The following ITPR1 variants were observed in gnomAD, a reference collection of about 807,000 sequenced individuals.
ITPR1 encodes the protein inositol 1,4,5-trisphosphate receptor type 1, also known as inositol 1,4,5-trisphosphate-gated calcium channel ITPR1.
ITPR1 carries 96 observed loss-of-function variants against 318.4 expected under a neutral mutation model. The ratio of observed to expected loss-of-function variants is 0.30; its 90% CI spans 0.26 to 0.36. ITPR1 has a LOEUF of 0.36. Ranked by LOEUF, ITPR1 falls within the 10% of genes least tolerant of loss-of-function variation. The probability of loss-of-function intolerance (pLI) is 1.00; values close to 1 mark genes in which losing one functional copy is unlikely to be tolerated. For missense variants in ITPR1, 2,440 were observed against 3,460.2 expected (o/e 0.71, Z 7.40); for synonymous variants, 1,312 against 1,289.9 (o/e 1.02, Z -0.37).
rs767110471 is a variant in ITPR1 at position 4,733,119 on chromosome 3, G to A, written c.5252G>A (p.Arg1751His). Reference protein sequence around the residue: ...GEALRQVLVNRYYGNVRPSGR... With the variant: ...GEALRQVLVNHYYGNVRPSGR... The stretch of plus-strand genomic sequence containing the variant: ...GCGCTCAGGCAAGTTCTGGTCAACC[G>A]TTACTATGGAAACGTCAGACCTTCG... Residue 1751 changes from arginine to histidine, a missense_variant, in exon 43 of 62, where the codon CGT becomes CAT. Arg to His is a conservative substitution (Grantham distance 29). Coordinates refer to ENST00000649015, the MANE Select transcript of ITPR1 (RefSeq NM_001378452.1). The A allele has an allele frequency of 3.1e-6, 5 of 1,613,492 alleles. No homozygotes were observed. Among genetic ancestry groups the A allele is most frequent in the Admixed American group, 1.7e-5 (1 of 59,952 alleles).
chr3:4,783,256 A>G (rs979242148), intron 50 of ITPR1, among the ~76,000 whole-genome samples: 2 of 151,444 alleles, frequency 1.3e-5, no homozygotes, highest in African/African-American at 4.9e-5. Context: ...GTTTTTGAAG[A>G]GCCTTTCTCT....
chr3:4,703,826 A>G (rs1256162485), intron 36 of ITPR1, among the ~76,000 whole-genome samples: 1 of 152,102 alleles, frequency 6.6e-6, no homozygotes, highest in Non-Finnish European at 1.5e-5. Context: ...ATGTCTTTTT[A>G]TTATTGGTGT....
At chr3:4,627,655 A>G (rs2092879691) in intron 4 of ITPR1, 108 bp from the exon 5 acceptor site, 3 of 695,666 alleles carry the variant, frequency 4.3e-6, no homozygotes, top group South Asian at 1.6e-5. Flanking sequence ...ATATCTATGT[A>G]TGATGTAATT....
At chr3:4,636,680 C>T (rs911338661) in intron 5 of ITPR1, among the ~76,000 whole-genome samples, 12 of 152,034 alleles carry the variant, frequency 7.9e-5, no homozygotes, top group Non-Finnish European at 1.5e-4. Flanking sequence ...CCGCCTGCCT[C>T]GGCCTCCCAG....
intron 44 of ITPR1, among the ~76,000 whole-genome samples, chr3:4,766,138 A>T (rs2045802208): frequency 2.6e-5 from 4 of 152,204 alleles, no homozygotes. Context: ...GGAAGAGTGC[A>T]TAGAAGCCCT....
chr3:4,536,876 G>T (rs1431964263), intron 4 of ITPR1, among the ~76,000 whole-genome samples: 1 of 152,186 alleles, frequency 6.6e-6, no homozygotes, highest in East Asian at 1.9e-4. Context: ...AGATGTGTCA[G>T]GTTGGTTGTT....
At chr3:4,505,164 C>G (rs1289672532) in intron 2 of ITPR1, among the ~76,000 whole-genome samples, 1 of 152,142 alleles carries the variant, frequency 6.6e-6, no homozygotes. Flanking sequence ...GTGTAAGCCC[C>G]TCTCTTTGCT....
At position 4,766,852 on chromosome 3, in the gene ITPR1, T is replaced by C. The variant is rs557059518; in HGVS notation, c.5725+142T>C. ...AAGAAATGCCAGCCTGGTTATGATGTAATTCTTCCTCAGTGACCTGAGCTG... is the reference window on the plus strand; with the variant it reads ...AAGAAATGCCAGCCTGGTTATGATGCAATTCTTCCTCAGTGACCTGAGCTG... On this transcript the variant is annotated intron_variant, in intron 45 of 61. Coordinates refer to ENST00000649015, the MANE Select transcript of ITPR1 (RefSeq NM_001378452.1). 9.6e-6 allele frequency: 6 copies of C among 626,196 alleles called. No individual in the cohort carries two copies. The South Asian group carries it at 1.5e-4, about 15-fold the overall frequency. 38.8% of individuals were successfully genotyped at this position (626,196 alleles called of 1,614,324 possible).
At chr3:4,803,005 G>T (rs1181819695) in intron 54 of ITPR1, among the ~76,000 whole-genome samples, 1 of 152,168 alleles carries the variant, frequency 6.6e-6, no homozygotes, top group Non-Finnish European at 1.5e-5. Flanking sequence ...TAAGAAAAGA[G>T]GTTTAATTGG....
chr3:4,772,942 C>T (rs190474321), intron 46 of ITPR1, among the ~76,000 whole-genome samples: 1 of 152,222 alleles, frequency 6.6e-6, no homozygotes, highest in Non-Finnish European at 1.5e-5. Flanking sequence ...GCCCAGCTAG[C>T]CTTGAGGACT....
chr3:4,573,428 G>C (rs116374218), intron 4 of ITPR1, among the ~76,000 whole-genome samples: 222 of 152,210 alleles, frequency 1.5e-3, no homozygotes, highest in African/African-American at 5.0e-3. Context: ...TGGTCTCCTG[G>C]TCTCAATCCT....
At position 4,567,591 on chromosome 3, in the gene ITPR1, A is replaced by G. The variant is rs77763553; in HGVS notation, c.163+46497A>G. Among the ~76,000 whole-genome samples, 199 of 142,394 alleles carry G rather than the reference A, an allele frequency of 1.4e-3. 10 individuals are homozygous for G. The East Asian group carries it at 0.019, about 14-fold the overall frequency. 93.4% of individuals were successfully genotyped at this position (142,394 alleles called of 152,430 possible). A position where few individuals can be genotyped will look rare whatever the true frequency, so the allele number is the denominator to read the frequency against. On this transcript the variant is annotated intron_variant, in intron 4 of 61. Transcript: ENST00000649015. ...CATGGAGGGCTTTATAGGGGAGGTG[A>G]CGCTTGAGCTAGTTTTTTTTGGTTT...
chr3:4,574,554 C>T (rs911713430), intron 4 of ITPR1, among the ~76,000 whole-genome samples: 11 of 152,202 alleles, frequency 7.2e-5, no homozygotes, highest in Non-Finnish European at 1.2e-4. Context: ...ATCATACTGG[C>T]ATCCTCCTGT....
In ITPR1 at chr3:4,706,362, G is replaced by A; in HGVS notation, c.4842+11G>A. The A allele has an allele frequency of 6.3e-7, 1 of 1,598,004 alleles. No homozygotes were observed. On this transcript the variant is annotated intron_variant, in intron 37 of 61. Coordinates refer to ENST00000649015, the MANE Select transcript of ITPR1 (RefSeq NM_001378452.1). ...ATTGAGAGATTGCAGGTAATGCCTG[G>A]TGTTGAGAGAAGTGATGCTTAGCCT...
intron 56 of ITPR1, among the ~76,000 whole-genome samples, chr3:4,812,479 ATAGCAAGAACAG>A (rs1203794435): frequency 1.3e-5 from 2 of 152,190 alleles, no homozygotes; most frequent in African/African-American, 4.8e-5. Flanking sequence ...ATTTTTACAC[ATAGCAAGAACAG>A]AAGAGATTTC....
chr3:4,622,356 G>A (rs534260223), intron 4 of ITPR1, among the ~76,000 whole-genome samples: 14 of 150,458 alleles, frequency 9.3e-5, no homozygotes, highest in Admixed American at 1.3e-4. Context: ...CTCGTGATCC[G>A]CCTGCCTTGG....
At chr3:4,571,519 T>G (rs2087989211) in intron 4 of ITPR1, among the ~76,000 whole-genome samples, 1 of 152,060 alleles carries the variant, frequency 6.6e-6, no homozygotes, top group Non-Finnish European at 1.5e-5. Flanking sequence ...TTTTAAAATT[T>G]TATGTAGAAC....
chr3:4,540,419 ACT>A (rs1028704424), intron 4 of ITPR1, among the ~76,000 whole-genome samples: 1 of 152,010 alleles, frequency 6.6e-6, no homozygotes, highest in Non-Finnish European at 1.5e-5. Flanking sequence ...CTAGAGAACT[ACT>A]CTCTCTGACC....
chr3:4,693,571 GA>G lies in ITPR1; in HGVS notation c.4113del (p.Glu1371AspfsTer49), dbSNP rs1185901994. ...FQTLIQMMRS[E>X]RDRMDENSPL... ...GACTCTGATCCAGATGATGCGGTCAGAACGGGATCGGATGGATGAGAACAGC... is the reference window on the plus strand; with the variant it reads ...GACTCTGATCCAGATGATGCGGTCAGACGGGATCGGATGGATGAGAACAGC... On this transcript the variant is annotated frameshift_variant, in exon 33 of 62. Coordinates refer to ENST00000649015, the MANE Select transcript of ITPR1 (RefSeq NM_001378452.1). LOFTEE classifies it high-confidence loss of function. 1 of 1,614,066 alleles carries G rather than the reference GA, an allele frequency of 6.2e-7. No individual in the cohort carries two copies. The highest frequency in any genetic ancestry group is 8.5e-7 in the Non-Finnish European group (1 of 1,179,906).
Sources: allele counts gnomAD v4.1 joint callset (sites outside exome capture counted in the v4.1 genomes callset), GRCh38; gene constraint gnomAD v4.1.1; transcripts MANE v1.5; gene names NCBI Gene and HGNC (gene_info 2026-07-23, HGNC 2026-07-21).